Variants in ROBO1 observed in about 807,000 individuals in gnomAD.
The protein encoded by ROBO1 is roundabout homolog 1.
In ROBO1, 149 loss-of-function variants were observed where a neutral mutation model predicts 195.9. The observed-to-expected ratio is 0.76, with a 90% CI of 0.67 to 0.87. The LOEUF (loss-of-function observed/expected upper bound fraction) is 0.87. ROBO1 is among the 40% of genes least tolerant of loss of function. The pLI is 0.00. For missense variants in ROBO1, 1,933 were observed against 2,068.3 expected (o/e 0.93, Z 1.27); for synonymous variants, 816 against 733.2 (o/e 1.11, Z -1.82).
intron 1 of ROBO1, among the ~76,000 whole-genome samples, chr3:79,713,801 T>C (rs2107246514): frequency 6.6e-6 from 1 of 152,300 alleles, no homozygotes. Context: ...CAGTTTCAGC[T>C]TTCTACATAT....
intron 4 of ROBO1, among the ~76,000 whole-genome samples, chr3:78,801,454 A>G (rs79554131): frequency 0.039 from 5,946 of 152,234 alleles, 132 homozygotes; most frequent in Non-Finnish European, 0.047. Context: ...TAAAATTCCA[A>G]TATTATCTTC....
At chr3:78,985,116 C>A (rs377379982) in intron 3 of ROBO1, among the ~76,000 whole-genome samples, 1 of 152,042 alleles carries the variant, frequency 6.6e-6, no homozygotes, top group Non-Finnish European at 1.5e-5. Context: ...GAGTTGGAGA[C>A]CAGCCTGGGC....
intron 2 of ROBO1, among the ~76,000 whole-genome samples, chr3:79,194,661 T>C (rs1169807404): frequency 6.6e-6 from 1 of 151,718 alleles, no homozygotes; most frequent in Non-Finnish European, 1.5e-5. Context: ...AAATTCCAAA[T>C]GGCATTCACA....
chr3:78,616,534 C>T (rs1333099325), intron 27 of ROBO1, among the ~76,000 whole-genome samples: 1 of 151,970 alleles, frequency 6.6e-6, no homozygotes, highest in Non-Finnish European at 1.5e-5. Context: ...TACATTTTAT[C>T]TGAATATATT....
Position 79,024,910 on chromosome 3 carries a change from T to C in ROBO1, c.173-85983A>G, listed in dbSNP as rs546672941. Among the ~76,000 whole-genome samples, 10 of 152,264 alleles carry C rather than the reference T, an allele frequency of 6.6e-5. No individual in the cohort carries two copies. The East Asian group carries it at 1.4e-3, about 21-fold the overall frequency. ...CACTGCACTTCTAAGCTTTTCTTCA[T>C]AGAGCAGTCAGAGGGATCTTGTTAA... On this transcript the variant is annotated intron_variant, in intron 3 of 30. Transcript: ENST00000464233.
chr3:79,521,535 A>G (rs1941209843), intron 2 of ROBO1, among the ~76,000 whole-genome samples: 1 of 152,188 alleles, frequency 6.6e-6, no homozygotes, highest in South Asian at 2.1e-4. Context: ...TCGTTAGCCT[A>G]TATGCATGTG....
intron 2 of ROBO1, among the ~76,000 whole-genome samples, chr3:79,276,349 C>T (rs766823881): frequency 6.6e-6 from 1 of 151,684 alleles, no homozygotes; most frequent in Non-Finnish European, 1.5e-5. Flanking sequence ...TTTGACAAAC[C>T]AAGAACTAAC....
intron 2 of ROBO1, among the ~76,000 whole-genome samples, chr3:79,338,161 T>C (rs1301947770): frequency 2.6e-5 from 4 of 152,222 alleles, no homozygotes; most frequent in Non-Finnish European, 5.9e-5. Flanking sequence ...CTGTTGTTTA[T>C]TGTTAACTTT....
chr3:78,849,472 T>C (rs1237233207), intron 4 of ROBO1, among the ~76,000 whole-genome samples: 1 of 152,108 alleles, frequency 6.6e-6, no homozygotes, highest in African/African-American at 2.4e-5. Flanking sequence ...TGAAAGTGAT[T>C]TTACTTATCA....
chr3:78,834,040 A>C (rs1417186366), intron 4 of ROBO1, among the ~76,000 whole-genome samples: 1 of 152,154 alleles, frequency 6.6e-6, no homozygotes, highest in Non-Finnish European at 1.5e-5. Context: ...TAATATTATG[A>C]AAGTTCAAAA....
intron 1 of ROBO1, among the ~76,000 whole-genome samples, chr3:79,598,877 C>T (rs780061247): frequency 7.9e-5 from 12 of 152,094 alleles, no homozygotes; most frequent in East Asian, 1.9e-4. Context: ...GCTAATTCCA[C>T]TGCCTGCAAC....
At chr3:79,631,998 G>A (rs1022301481) in intron 1 of ROBO1, among the ~76,000 whole-genome samples, 2 of 152,020 alleles carry the variant, frequency 1.3e-5, no homozygotes, top group Non-Finnish European at 2.9e-5. Flanking sequence ...AGATCACAGA[G>A]AATAGGGAAT....
chr3:79,530,792 CACACA>C (rs1435002812), intron 2 of ROBO1, among the ~76,000 whole-genome samples: 2 of 144,608 alleles, frequency 1.4e-5, no homozygotes, highest in Non-Finnish European at 3.0e-5. Context: ...CACACACACA[CACACA>C]CACACACATC....
chr3:78,751,232 T>G (rs747459956), intron 4 of ROBO1, among the ~76,000 whole-genome samples: 3 of 152,060 alleles, frequency 2.0e-5, no homozygotes, highest in Non-Finnish European at 4.4e-5. Context: ...TGATCTGCAC[T>G]TTTTTGTTTT....
Position 79,491,142 on chromosome 3 carries a change from C to T in ROBO1, c.88+98682G>A, listed in dbSNP as rs1384588821. On this transcript the variant is annotated intron_variant, in intron 2 of 30. Transcript: ENST00000464233. ...TGAAATAACTGCCTCCAAGTCTGGG[C>T]TAATCTACCTGGTCCTAGACAGAGC... Among the ~76,000 whole-genome samples the T allele has an allele frequency of 4.6e-5, 7 of 151,720 alleles. No homozygotes were observed. The South Asian group carries it at 8.3e-4, about 18-fold the overall frequency.
chr3:79,049,497 TC>T (rs2078655755), intron 3 of ROBO1, among the ~76,000 whole-genome samples: 1 of 152,078 alleles, frequency 6.6e-6, no homozygotes, highest in African/African-American at 2.4e-5. Flanking sequence ...CAGGAGGACT[TC>T]CCCAACCTAG....
chr3:79,353,284 C>A (rs551834183), intron 2 of ROBO1, among the ~76,000 whole-genome samples: 1 of 151,868 alleles, frequency 6.6e-6, no homozygotes, highest in Non-Finnish European at 1.5e-5. Flanking sequence ...ATTGCTCTTA[C>A]ATGGGAAATG....
intron 2 of ROBO1, among the ~76,000 whole-genome samples, chr3:79,210,850 TATA>T (rs1211801383): frequency 1.7e-4 from 26 of 152,260 alleles, no homozygotes; most frequent in African/African-American, 6.3e-4. Context: ...GTAAACATAA[TATA>T]TAAGAGCATA....
intron 2 of ROBO1, among the ~76,000 whole-genome samples, chr3:79,418,804 T>G (rs2106918800): frequency 6.6e-6 from 1 of 152,130 alleles, no homozygotes; most frequent in South Asian, 2.1e-4. Context: ...GCAAGAAAAC[T>G]TAGAAGATAA....
Sources: gnomAD v4.1 joint callset for allele counts (sites outside exome capture counted in the v4.1 genomes callset) on GRCh38, gnomAD v4.1.1 for gene constraint, MANE v1.5 for transcripts, NCBI Gene and HGNC (gene_info 2026-07-23, HGNC 2026-07-21) for gene names.